EIF4EBP1: variants seen among roughly 807,000 people sequenced by gnomAD.
The protein encoded by EIF4EBP1 is eukaryotic translation initiation factor 4E-binding protein 1.
A neutral mutation model predicts 9.2 loss-of-function variants in EIF4EBP1; 5 were observed. The ratio of observed to expected loss-of-function variants is 0.54; its 90% CI spans 0.28 to 1.14. EIF4EBP1 has a LOEUF of 1.14. EIF4EBP1 is among the 50% of genes most tolerant of loss of function. The pLI is 0.09. For missense variants in EIF4EBP1, 139 were observed against 169.6 expected (o/e 0.82, Z 1.00); for synonymous variants, 62 against 67.0 (o/e 0.93, Z 0.36).
At chr8:38,047,809 GT>G (rs996729561) in intron 1 of EIF4EBP1, among the ~76,000 whole-genome samples, 1 of 151,904 alleles carries the variant, frequency 6.6e-6, no homozygotes. Context: ...GATAAATGAG[GT>G]TTTTTTTATT....
At chr8:38,042,159 C>T (rs1211204091) in intron 1 of EIF4EBP1, among the ~76,000 whole-genome samples, 1 of 152,152 alleles carries the variant, frequency 6.6e-6, no homozygotes, top group African/African-American at 2.4e-5. Context: ...TCAGAGGAGC[C>T]CACACCTGCC....
chr8:38,043,118 A>T (rs1407631311), intron 1 of EIF4EBP1, among the ~76,000 whole-genome samples: 3 of 152,188 alleles, frequency 2.0e-5, no homozygotes, highest in African/African-American at 7.2e-5. Context: ...TATTCAGCTC[A>T]TAACAGGGCC....
At chr8:38,031,747 G>A (rs1809224723) in intron 1 of EIF4EBP1, among the ~76,000 whole-genome samples, 1 of 152,162 alleles carries the variant, frequency 6.6e-6, no homozygotes, top group Non-Finnish European at 1.5e-5. Flanking sequence ...TCTGCTGTTT[G>A]ATCCAAAACA....
At chr8:38,059,761 A>G in intron 2 of EIF4EBP1, 143 bp from the exon 3 acceptor site, 1 of 837,458 alleles carries the variant, frequency 1.2e-6, no homozygotes, top group Non-Finnish European at 1.9e-6. Context: ...ATCTCAAAAA[A>G]AAAAAACAAA....
At chr8:38,058,378 CT>C (rs905405802) in intron 2 of EIF4EBP1, among the ~76,000 whole-genome samples, 3 of 152,128 alleles carry the variant, frequency 2.0e-5, no homozygotes. Context: ...TTTTATAACA[CT>C]CTTGTGATAA....
At chr8:38,044,335 G>C (rs1809422998) in intron 1 of EIF4EBP1, among the ~76,000 whole-genome samples, 1 of 152,190 alleles carries the variant, frequency 6.6e-6, no homozygotes, top group Non-Finnish European at 1.5e-5. Flanking sequence ...AAGCGCTCAA[G>C]GCAGGGAACA....
chr8:38,033,544 C>T (rs1282423002), intron 1 of EIF4EBP1, among the ~76,000 whole-genome samples: 1 of 151,404 alleles, frequency 6.6e-6, no homozygotes, highest in Non-Finnish European at 1.5e-5. Flanking sequence ...GTGTGGAGAG[C>T]CAGGCTTTTG....
At position 38,042,705 on chromosome 8, in the gene EIF4EBP1, C is replaced by G. The variant is rs150272274; in HGVS notation, c.145+11987C>G. On this transcript the variant is annotated intron_variant, in intron 1 of 2. Coordinates refer to ENST00000338825, the MANE Select transcript of EIF4EBP1 (RefSeq NM_004095.4). ...AGCCTCATTTTAATTTAATCATCCC[C>G]TTGAAGACTTTATCTCCAAATACAG... Among the ~76,000 whole-genome samples, 416 of 152,286 alleles carry G rather than the reference C, an allele frequency of 2.7e-3. 6 individuals are homozygous for G. The highest frequency in any genetic ancestry group is 9.6e-3 in the African/African-American group (398 of 41,544).
chr8:38,035,290 A>G (rs148657164), intron 1 of EIF4EBP1, among the ~76,000 whole-genome samples: 2 of 150,730 alleles, frequency 1.3e-5, no homozygotes, highest in Non-Finnish European at 3.0e-5. Context: ...CAATCTTGGC[A>G]CACTGCAACC....
intron 1 of EIF4EBP1, among the ~76,000 whole-genome samples, chr8:38,044,588 G>A (rs889876795): frequency 3.3e-5 from 5 of 152,138 alleles, no homozygotes; most frequent in South Asian, 2.1e-4. Flanking sequence ...ATAGGCGCAC[G>A]CCATCATGCC....
intron 2 of EIF4EBP1, among the ~76,000 whole-genome samples, chr8:38,059,504 C>T (rs539151812): frequency 3.7e-4 from 56 of 152,234 alleles, no homozygotes; most frequent in African/African-American, 1.2e-3. Flanking sequence ...GTAATCCCAG[C>T]ACTTTGGGAG....
intron 1 of EIF4EBP1, among the ~76,000 whole-genome samples, chr8:38,050,317 TG>T (rs1339103631): frequency 6.6e-6 from 1 of 152,178 alleles, no homozygotes; most frequent in Admixed American, 6.6e-5. Context: ...CAGAAATGTG[TG>T]GGAACATTTG....
At chr8:38,056,568 A>G (rs572871166) in intron 1 of EIF4EBP1, among the ~76,000 whole-genome samples, 15 of 151,604 alleles carry the variant, frequency 9.9e-5, no homozygotes, top group African/African-American at 3.6e-4. Context: ...GACCCCTTCC[A>G]TTGGATCATT....
intron 1 of EIF4EBP1, among the ~76,000 whole-genome samples, chr8:38,033,447 A>T (rs1809253892): frequency 6.6e-6 from 1 of 151,586 alleles, no homozygotes; most frequent in South Asian, 2.1e-4. Flanking sequence ...GTGAAACATA[A>T]CTTCCCTCAC....
At chr8:38,044,213 A>G (rs759171523) in intron 1 of EIF4EBP1, among the ~76,000 whole-genome samples, 1 of 151,982 alleles carries the variant, frequency 6.6e-6, no homozygotes, top group Non-Finnish European at 1.5e-5. Flanking sequence ...CCCACATCCA[A>G]TGGAAGAATG....
intron 1 of EIF4EBP1, among the ~76,000 whole-genome samples, chr8:38,055,341 A>G (rs1463661916): frequency 6.6e-6 from 1 of 152,156 alleles, no homozygotes; most frequent in Non-Finnish European, 1.5e-5. Flanking sequence ...TAAAAATCAA[A>G]AAAGTAAAAT....
intron 1 of EIF4EBP1, among the ~76,000 whole-genome samples, chr8:38,046,083 A>G (rs537151882): frequency 8.5e-5 from 13 of 152,100 alleles, no homozygotes; most frequent in Admixed American, 2.0e-4. Context: ...TTGTATGTTT[A>G]ATAGAGACAG....
At chr8:38,051,991 G>T (rs918568134) in intron 1 of EIF4EBP1, among the ~76,000 whole-genome samples, 2 of 152,284 alleles carry the variant, frequency 1.3e-5, no homozygotes, top group South Asian at 4.1e-4. Flanking sequence ...CTCCCAAACT[G>T]TTGGGATTTA....
At position 38,059,761 on chromosome 8, in the gene EIF4EBP1, A is replaced by C. The variant is rs139929609; in HGVS notation, c.326-143A>C. 5,052 of 837,450 alleles carry C rather than the reference A, an allele frequency of 6.0e-3. 184 individuals carry two copies. In the African/African-American group the frequency reaches 0.079, roughly 13 times the overall value. The allele number at this position is 837,450 out of a possible 1,614,324, so 51.9% of individuals were successfully genotyped here. A position where few individuals can be genotyped will look rare whatever the true frequency, so the allele number is the denominator to read the frequency against. On this transcript the variant is annotated intron_variant, in intron 2 of 2. Coordinates refer to ENST00000338825, the MANE Select transcript of EIF4EBP1 (RefSeq NM_004095.4). ...ACAGAGTGAGACTCCATCTCAAAAA[A>C]AAAAAACAAAAAAACAAAAAAAAAC...
Sources: gnomAD v4.1 joint callset for allele counts (sites outside exome capture counted in the v4.1 genomes callset) on GRCh38, gnomAD v4.1.1 for gene constraint, MANE v1.5 for transcripts, NCBI Gene and HGNC (gene_info 2026-07-23, HGNC 2026-07-21) for gene names.